PRELID2: variants seen among roughly 807,000 people sequenced by gnomAD.
The protein encoded by PRELID2 is PRELI domain containing 2.
In PRELID2, 25 loss-of-function variants were observed where a neutral mutation model predicts 28.4. The ratio of observed to expected loss-of-function variants is 0.88; its 90% CI spans 0.64 to 1.23. The LOEUF is 1.23. PRELID2 is among the 50% of genes most tolerant of loss of function. The pLI, the probability that PRELID2 is intolerant of heterozygous loss-of-function variation, is 0.00. For synonymous variants in PRELID2, 76 were observed against 71.6 expected (o/e 1.06, Z -0.31); for missense variants, 201 against 214.4 (o/e 0.94, Z 0.39).
the PRELID2 span, among the ~76,000 whole-genome samples, chr5:145,369,777 G>T: frequency 6.6e-6 from 1 of 151,974 alleles, no homozygotes; most frequent in Non-Finnish European, 1.5e-5. Flanking sequence ...AGCCTCACCA[G>T]CATCTATTGT....
rs554600645 is a variant in PRELID2 at position 145,582,618 on chromosome 5, C to T, written n.71-109303G>A. Among the ~76,000 whole-genome samples the T allele has an allele frequency of 4.6e-5, 7 of 152,130 alleles. No homozygotes were observed. The East Asian group carries it at 1.4e-3, about 29-fold the overall frequency. On this transcript the variant is annotated intron_variant and non_coding_transcript_variant, in intron 1 of 2. Coordinates refer to the PRELID2 transcript ENST00000510259. The stretch of plus-strand genomic sequence containing the variant: ...ACAATCAGAAATAATGAGGATATCA[C>T]CACTGATCCCACAGAAATACAAACA...
the PRELID2 span, among the ~76,000 whole-genome samples, chr5:145,401,723 T>C: frequency 2.6e-5 from 4 of 152,184 alleles, no homozygotes; most frequent in African/African-American, 9.7e-5. Context: ...TGTGCACATT[T>C]ATCTAAAGTA....
intron 1 of PRELID2, among the ~76,000 whole-genome samples, chr5:145,683,226 G>A (rs1346706719): frequency 6.6e-6 from 1 of 152,132 alleles, no homozygotes; most frequent in Non-Finnish European, 1.5e-5. Flanking sequence ...CTTCAAGCCT[G>A]AGTTCTCCCA....
rs376592723 is a variant in PRELID2 at position 145,811,344 on chromosome 5, A to G, written c.368+6550T>C. Among the ~76,000 whole-genome samples, 12 of 152,200 alleles carry G rather than the reference A, an allele frequency of 7.9e-5. 1 individual carries two copies. Among genetic ancestry groups the G allele is most frequent in the South Asian group, 4.2e-4 (2 of 4,808 alleles). On this transcript the variant is annotated intron_variant, in intron 4 of 6. Transcript: ENST00000683046. ...TGCTCTGTTGCCCAGGTTGGAATTC[A>G]ATGGCAGGATCACAGCTCACCGTAA...
the PRELID2 span, among the ~76,000 whole-genome samples, chr5:145,465,560 C>A: frequency 1.3e-5 from 2 of 152,110 alleles, no homozygotes; most frequent in Non-Finnish European, 2.9e-5. Context: ...ACCCTTACTA[C>A]TGATGTGACC....
At chr5:145,720,373 T>C (rs187892253) in intron 1 of PRELID2, among the ~76,000 whole-genome samples, 3 of 148,308 alleles carry the variant, frequency 2.0e-5, no homozygotes, top group East Asian at 2.0e-4. Flanking sequence ...GAAAAAAAAA[T>C]CTTACAATGG....
chr5:145,494,699 T>A (rs1270960370), intron 1 of PRELID2, among the ~76,000 whole-genome samples: 2 of 152,196 alleles, frequency 1.3e-5, no homozygotes, highest in Non-Finnish European at 2.9e-5. Context: ...AACAAATGGA[T>A]ATGTATTATG....
chr5:145,551,400 CTAAA>C (rs10574544), intron 1 of PRELID2, among the ~76,000 whole-genome samples: 30,129 of 147,948 alleles, frequency 0.2, 3,187 homozygotes, highest in South Asian at 0.36. Context: ...GACTCAGTCT[CTAAA>C]TAAATAAATA....
At chr5:145,819,173 C>T (rs937669433) in intron 3 of PRELID2, among the ~76,000 whole-genome samples, 1 of 152,186 alleles carries the variant, frequency 6.6e-6, no homozygotes, top group Admixed American at 6.5e-5. Context: ...ATAAATTACT[C>T]AGTCTCAGGT....
intron 1 of PRELID2, among the ~76,000 whole-genome samples, chr5:145,624,280 T>C (rs1753814992): frequency 6.6e-6 from 1 of 152,168 alleles, no homozygotes; most frequent in African/African-American, 2.4e-5. Context: ...TATGATTGAT[T>C]AAGCTATTGG....
intron 1 of PRELID2, among the ~76,000 whole-genome samples, chr5:145,616,897 A>T (rs1017946434): frequency 2.0e-5 from 3 of 152,090 alleles, no homozygotes; most frequent in African/African-American, 7.2e-5. Flanking sequence ...GGCTTATTTC[A>T]TCCCTACAGC....
intron 1 of PRELID2, among the ~76,000 whole-genome samples, chr5:145,547,718 A>T (rs957146844): frequency 7.9e-5 from 12 of 152,304 alleles, no homozygotes; most frequent in African/African-American, 2.9e-4. Context: ...ATATCTACTT[A>T]CTGCTACAAA....
chr5:145,710,470 T>G (rs1581084458), intron 1 of PRELID2, among the ~76,000 whole-genome samples: 1 of 152,216 alleles, frequency 6.6e-6, no homozygotes, highest in East Asian at 1.9e-4. Context: ...TTCTTCTAGC[T>G]CTAAGATTCT....
chr5:145,624,320 C>G (rs559672725), intron 1 of PRELID2, among the ~76,000 whole-genome samples: 1 of 152,264 alleles, frequency 6.6e-6, no homozygotes, highest in Non-Finnish European at 1.5e-5. Flanking sequence ...TCTCCAGTCC[C>G]CCTCACTTCC....
intron 1 of PRELID2, among the ~76,000 whole-genome samples, chr5:145,686,677 C>T (rs376999792): frequency 9.9e-5 from 15 of 152,126 alleles, no homozygotes; most frequent in Non-Finnish European, 1.8e-4. Flanking sequence ...GGGAAGCAGA[C>T]CATGGGCTCA....
chr5:145,775,312 T>C (rs1322284554), intron 5 of PRELID2, among the ~76,000 whole-genome samples: 2 of 152,156 alleles, frequency 1.3e-5, no homozygotes, highest in Non-Finnish European at 2.9e-5. Flanking sequence ...TTCCGTATAC[T>C]ATCTCCTCGA....
intron 1 of PRELID2, among the ~76,000 whole-genome samples, chr5:145,680,759 G>A (rs2149688718): frequency 6.6e-6 from 1 of 151,996 alleles, no homozygotes; most frequent in East Asian, 1.9e-4. Flanking sequence ...GATAGTTTTA[G>A]TGCTTCTGCT....
intron 1 of PRELID2, among the ~76,000 whole-genome samples, chr5:145,668,230 G>A (rs1754635283): frequency 6.6e-6 from 1 of 151,962 alleles, no homozygotes; most frequent in Non-Finnish European, 1.5e-5. Context: ...ACAAAAGACA[G>A]GGAGGCCACA....
intron 1 of PRELID2, among the ~76,000 whole-genome samples, chr5:145,492,083 T>C (rs1334894134): frequency 6.6e-6 from 1 of 152,156 alleles, no homozygotes; most frequent in Non-Finnish European, 1.5e-5. Context: ...TTATAGTAGT[T>C]CTATTTTTAA....
Sources: allele counts gnomAD v4.1 joint callset (sites outside exome capture counted in the v4.1 genomes callset), GRCh38; gene constraint gnomAD v4.1.1; transcripts MANE v1.5; gene names NCBI Gene and HGNC (gene_info 2026-07-23, HGNC 2026-07-21).